Variants in CAMTA1 observed in about 807,000 individuals in gnomAD.
CAMTA1 encodes the protein calmodulin-binding transcription activator 1.
CAMTA1 carries 27 observed loss-of-function variants against 170.9 expected under a neutral mutation model. The observed-to-expected ratio is 0.16, with a 90% CI of 0.12 to 0.22. The LOEUF (loss-of-function observed/expected upper bound fraction) is 0.22. Among genes scored for constraint, CAMTA1 ranks in the 10% least tolerant of loss-of-function variants. The pLI, the probability that CAMTA1 is intolerant of heterozygous loss-of-function variation, is 1.00. For synonymous variants in CAMTA1, 833 were observed against 891.5 expected (o/e 0.93, Z 1.17); for missense variants, 1,619 against 2,217.2 (o/e 0.73, Z 5.42).
chr1:7,614,566 G>C (rs374303906), intron 6 of CAMTA1, among the ~76,000 whole-genome samples: 2 of 152,126 alleles, frequency 1.3e-5, no homozygotes, highest in African/African-American at 2.4e-5. Context: ...CACGCTGAAG[G>C]CTCCCCAAAG....
chr1:7,101,660 A>G (rs954122165), intron 4 of CAMTA1, among the ~76,000 whole-genome samples: 1 of 152,192 alleles, frequency 6.6e-6, no homozygotes, highest in African/African-American at 2.4e-5. Flanking sequence ...ATGTATGCAC[A>G]TACACACACA....
chr1:6,796,099 A>G (rs989433446), intron 1 of CAMTA1, among the ~76,000 whole-genome samples: 5 of 130,082 alleles, frequency 3.8e-5, no homozygotes, highest in Admixed American at 1.5e-4. Context: ...TGAGAGTGCT[A>G]TGCTATGGCT....
At chr1:7,693,198 CAAG>C (rs1202673196) in intron 11 of CAMTA1, 1 of 152,406 alleles carries the variant, frequency 6.6e-6, no homozygotes, top group African/African-American at 2.4e-5. Flanking sequence ...TGGTGGAAGG[CAAG>C]GAGGAGCAAG....
At chr1:7,181,015 G>A (rs57946623) in intron 4 of CAMTA1, among the ~76,000 whole-genome samples, 3,607 of 152,122 alleles carry the variant, frequency 0.024, 131 homozygotes, top group African/African-American at 0.083. Context: ...CAAATTATTC[G>A]TAAACTAACC....
At chr1:6,953,331 G>A (rs1688838390) in intron 3 of CAMTA1, among the ~76,000 whole-genome samples, 1 of 152,224 alleles carries the variant, frequency 6.6e-6, no homozygotes, top group Non-Finnish European at 1.5e-5. Context: ...AGACCTGGAA[G>A]GACTTGGAGG....
rs1257658481 is a variant in CAMTA1 at position 7,276,291 on chromosome 1, A to ATTTTTTT, written c.438+26666_438+26667insTTTTTTT. Reference sequence around the variant, plus strand: ...CCTACACCTGATCATATATATATATATATATATATATATTTTTTTTTTTTT... The same window carrying ATTTTTTT: ...CCTACACCTGATCATATATATATATATTTTTTTTATATATATATATTTTTTTTTTTTT... On this transcript the variant is annotated intron_variant, in intron 5 of 22. Transcript: ENST00000303635. Among the ~76,000 whole-genome samples, 415 of 51,190 alleles carry ATTTTTTT rather than the reference A, an allele frequency of 8.1e-3. 27 individuals carry two copies. Among genetic ancestry groups the ATTTTTTT allele is most frequent in the Non-Finnish European group, 0.01 (336 of 33,052 alleles). 33.6% of individuals were successfully genotyped at this position (51,190 alleles called of 152,430 possible).
intron 3 of CAMTA1, among the ~76,000 whole-genome samples, chr1:6,928,741 C>T (rs1219247384): frequency 6.6e-6 from 1 of 152,194 alleles, no homozygotes; most frequent in Admixed American, 6.5e-5. Flanking sequence ...CTTGGCTTGC[C>T]CCAGCTCATT....
In CAMTA1 at chr1:7,750,079, C is replaced by T. The variant is rs147144729; in HGVS notation, c.4690-1120C>T. On this transcript the variant is annotated intron_variant, in intron 19 of 22. Coordinates refer to ENST00000303635, the MANE Select transcript of CAMTA1 (RefSeq NM_015215.4). ...TAAGTAAATACCCTTTTTCCCAAAG[C>T]GCTTCACTGTGGCCCGATGGGTCTG... 2.1e-3 allele frequency among the ~76,000 whole-genome samples: 318 copies of T among 152,262 alleles called. 3 individuals carry two copies. The highest frequency in any genetic ancestry group is 7.1e-3 in the African/African-American group (296 of 41,556).
intron 4 of CAMTA1, among the ~76,000 whole-genome samples, chr1:7,233,226 G>T (rs1225254129): frequency 6.6e-6 from 1 of 152,188 alleles, no homozygotes; most frequent in Non-Finnish European, 1.5e-5. Context: ...ATCGGTGTTG[G>T]AATATGACAA....
intron 5 of CAMTA1, among the ~76,000 whole-genome samples, chr1:7,256,288 G>A (rs935569980): frequency 4.6e-4 from 70 of 151,776 alleles, no homozygotes; most frequent in African/African-American, 1.5e-3. Flanking sequence ...GGCCGGGCAC[G>A]GTGGCTCATG....
At chr1:7,025,359 C>T (rs1432740314) in intron 3 of CAMTA1, among the ~76,000 whole-genome samples, 1 of 152,224 alleles carries the variant, frequency 6.6e-6, no homozygotes, top group Non-Finnish European at 1.5e-5. Context: ...GTGGTCCCAT[C>T]ATCAGGGCGC....
At position 7,505,361 on chromosome 1, in the gene CAMTA1, G is replaced by A. The variant is rs115552343; in HGVS notation, c.510+37460G>A. 2.6e-3 allele frequency among the ~76,000 whole-genome samples: 394 copies of A among 152,326 alleles called. 1 individual carries two copies. The highest frequency in any genetic ancestry group is 9.1e-3 in the African/African-American group (380 of 41,574). On this transcript the variant is annotated intron_variant, in intron 6 of 22. Transcript: ENST00000303635. The stretch of plus-strand genomic sequence containing the variant: ...GTCACTGAGTTTAGGGCCTACCTGA[G>A]GGGTGTGCTGGGACGTGGGCGTCTA...
intron 3 of CAMTA1, among the ~76,000 whole-genome samples, chr1:6,900,703 G>T (rs1226169085): frequency 6.6e-6 from 1 of 152,118 alleles, no homozygotes; most frequent in African/African-American, 2.4e-5. Flanking sequence ...AAAAACTTCA[G>T]ATACCTTAGA....
chr1:7,370,543 A>G (rs1413220594), intron 5 of CAMTA1, among the ~76,000 whole-genome samples: 7 of 152,178 alleles, frequency 4.6e-5, no homozygotes, highest in Non-Finnish European at 1.0e-4. Flanking sequence ...GAAGACACAC[A>G]TTCCTGGAAA....
chr1:7,021,873 G>A (rs907288826), intron 3 of CAMTA1, among the ~76,000 whole-genome samples: 10 of 152,190 alleles, frequency 6.6e-5, no homozygotes, highest in Admixed American at 6.5e-4. Context: ...TCTTTCTGGG[G>A]TTTGAGCACT....
chr1:7,007,666 C>T lies in CAMTA1; in HGVS notation c.235-83638C>T, dbSNP rs1699200524. On this transcript the variant is annotated intron_variant, in intron 3 of 22. Transcript: ENST00000303635. The surrounding 1 kb of genome is among the most constrained non-coding windows in gnomAD (Gnocchi z 4.5). ...GAGGGGTGGCCGGGCCCTGTCAGTG[C>T]TGCGGAGGTGAGCTCCTTCTGAAAG... 6.6e-6 allele frequency among the ~76,000 whole-genome samples: 1 copy of T among 152,186 alleles called. No homozygotes were observed. The highest frequency in any genetic ancestry group is 2.1e-4 in the South Asian group (1 of 4,832).
At chr1:6,795,817 T>G (rs1642350584) in intron 1 of CAMTA1, among the ~76,000 whole-genome samples, 2 of 152,360 alleles carry the variant, frequency 1.3e-5, no homozygotes, top group South Asian at 4.1e-4. Flanking sequence ...TTTTCCTGTT[T>G]TGTATTCCTG....
intron 4 of CAMTA1, among the ~76,000 whole-genome samples, chr1:7,166,671 T>G (rs1032096139): frequency 3.9e-5 from 6 of 152,244 alleles, no homozygotes; most frequent in African/African-American, 1.4e-4. Flanking sequence ...TTGATTGATT[T>G]GCAGGGATTC....
chr1:7,659,192 A>G (rs886429698), intron 7 of CAMTA1, among the ~76,000 whole-genome samples: 1 of 152,250 alleles, frequency 6.6e-6, no homozygotes, highest in Non-Finnish European at 1.5e-5. Flanking sequence ...AGCACCCTGA[A>G]GGTATTCCTG....
Sources: gnomAD v4.1 joint callset for allele counts (sites outside exome capture counted in the v4.1 genomes callset) on GRCh38, gnomAD v4.1.1 for gene constraint, Gnocchi (gnomAD v3.1) non-coding constraint, MANE v1.5 for transcripts, NCBI Gene and HGNC (gene_info 2026-07-23, HGNC 2026-07-21) for gene names.